Variants in CCNI observed in about 807,000 individuals in gnomAD.
CCNI encodes the protein cyclin-I.
CCNI carries 14 observed loss-of-function variants against 34.1 expected under a neutral mutation model. That is an observed-to-expected ratio of 0.41 (90% CI 0.27 to 0.64). The LOEUF is 0.64. Ranked by LOEUF, CCNI falls within the 30% of genes least tolerant of loss-of-function variation. CCNI has a pLI of 0.31. For missense variants in CCNI, 385 were observed against 440.5 expected (o/e 0.87, Z 1.13); for synonymous variants, 154 against 158.4 (o/e 0.97, Z 0.21).
At position 77,075,484 on chromosome 4, in the gene CCNI, TTCCTCCTCCTCC is replaced by T. The variant is rs753438219; in HGVS notation, c.-68_-57del. 66 of 733,914 alleles carry T rather than the reference TTCCTCCTCCTCC, an allele frequency of 9.0e-5. No homozygotes were observed. The highest frequency in any genetic ancestry group is 1.0e-4 in the Non-Finnish European group (63 of 600,846). The allele number at this position is 733,914 out of a possible 1,614,324, so 45.5% of individuals were successfully genotyped here. A position where few individuals can be genotyped will look rare whatever the true frequency, so the allele number is the denominator to read the frequency against. Reference sequence around the variant, plus strand: ...CCCCGCCCCTCACCTTCTCCTCCTCTTCCTCCTCCTCCTCCTCCCCGGCAGAGCTGTAGGCCT... The same window carrying T: ...CCCCGCCCCTCACCTTCTCCTCCTCTTCCTCCCCGGCAGAGCTGTAGGCCT... On this transcript the variant is annotated 5_prime_UTR_variant, in exon 1 of 7. Coordinates refer to ENST00000237654, the MANE Select transcript of CCNI (RefSeq NM_006835.3).
chr4:77,066,299 T>C lies in CCNI; in HGVS notation c.64A>G (p.Arg22Gly). ...TTCACTTTCCACATCTGTGCTTCCC[T>C]AGTGATTGCCTTTTCCAACAGGAAA... ...LSFLLEKAIT[R>G]EAQMWKVNVR... is the part of the protein sequence containing the mutation. Residue 22 changes from arginine (R) to glycine (G), a missense_variant, in exon 2 of 7, where the codon AGG (arginine) becomes GGG (glycine). Physicochemically the swap from Arg to Gly is moderately radical, Grantham distance 125. This residue lies in a region of CCNI where 135 missense variants were observed against 191.8 expected (regional missense o/e 0.70). Transcript: ENST00000237654. The C allele has an allele frequency of 1.2e-6, 2 of 1,614,058 alleles. No individual in the cohort carries two copies. The highest frequency in any genetic ancestry group is 2.2e-5 in the East Asian group (1 of 44,868).
At chr4:77,051,008 AG>A (rs1428952586) in intron 6 of CCNI, among the ~76,000 whole-genome samples, 1 of 152,208 alleles carries the variant, frequency 6.6e-6, no homozygotes, top group African/African-American at 2.4e-5. Flanking sequence ...AAAATAATGT[AG>A]TATTTGCATA....
At chr4:77,066,507 G>C in intron 1 of CCNI, 102 bp from the exon 2 acceptor site, 1 of 791,656 alleles carries the variant, frequency 1.3e-6, no homozygotes, top group Non-Finnish European at 2.0e-6. Context: ...ATGCTATGAG[G>C]CAGTATAGGA....
intron 2 of CCNI, among the ~76,000 whole-genome samples, chr4:77,064,332 T>C (rs1728856968): frequency 6.6e-6 from 1 of 152,092 alleles, no homozygotes; most frequent in Non-Finnish European, 1.5e-5. Context: ...AAGACCAGGC[T>C]GTAAAAATAT....
At chr4:77,056,356 G>C in intron 3 of CCNI, 33 bp from the exon 4 acceptor site, 1 of 1,507,646 alleles carries the variant, frequency 6.6e-7, no homozygotes. Flanking sequence ...AGCAACTTTA[G>C]TGATTTTTCA....
chr4:77,062,624 A>G (rs1480490086), intron 2 of CCNI, among the ~76,000 whole-genome samples: 1 of 152,044 alleles, frequency 6.6e-6, no homozygotes, highest in Non-Finnish European at 1.5e-5. Flanking sequence ...GCAAATCTAA[A>G]CTCCAGTTGA....
chr4:77,048,974 T>G (rs868308607), intron 6 of CCNI, among the ~76,000 whole-genome samples: 10 of 144,790 alleles, frequency 6.9e-5, no homozygotes, highest in East Asian at 2.0e-4. Context: ...TTTTTTTTTT[T>G]TTTTTTTTTT....
chr4:77,056,409 T>C lies in CCNI; in HGVS notation c.244-86A>G, dbSNP rs4252895. 127 of 907,712 alleles carry C rather than the reference T, an allele frequency of 1.4e-4. 1 individual carries two copies. In the East Asian group the frequency reaches 3.1e-3, roughly 22 times the overall value. The allele number at this position is 907,712 out of a possible 1,614,324, so 56.2% of individuals were successfully genotyped here. A position where few individuals can be genotyped will look rare whatever the true frequency, so the allele number is the denominator to read the frequency against. The stretch of plus-strand genomic sequence containing the variant: ...TGTAACTGTTTTAAAAACCTAGATA[T>C]GCAGATGAGACAGGTATACACAAAA... On this transcript the variant is annotated intron_variant, in intron 3 of 6. Transcript: ENST00000237654.
At chr4:77,061,639 A>T (rs1476745773) in intron 2 of CCNI, among the ~76,000 whole-genome samples, 1 of 152,070 alleles carries the variant, frequency 6.6e-6, no homozygotes, top group East Asian at 1.9e-4. Context: ...ATGGCATACA[A>T]ATCTATGACC....
intron 6 of CCNI, among the ~76,000 whole-genome samples, chr4:77,050,103 C>A (rs1368394722): frequency 1.3e-5 from 2 of 152,184 alleles, no homozygotes; most frequent in Non-Finnish European, 1.5e-5. Context: ...TCTTGCTCAA[C>A]AGTCCTGCTC....
intron 2 of CCNI, among the ~76,000 whole-genome samples, chr4:77,063,615 G>A (rs10005701): frequency 2.6e-5 from 4 of 151,564 alleles, no homozygotes; most frequent in Admixed American, 1.3e-4. Flanking sequence ...GCGTGAACCC[G>A]GGAGGCGGAG....
At chr4:77,052,103 C>T (rs906106417) in intron 6 of CCNI, among the ~76,000 whole-genome samples, 3 of 151,960 alleles carry the variant, frequency 2.0e-5, no homozygotes, top group African/African-American at 7.3e-5. Flanking sequence ...AGTTTTTCAA[C>T]CCTTGCTCCC....
At chr4:77,066,505 A>T in intron 1 of CCNI, 100 bp from the exon 2 acceptor site, 1 of 796,110 alleles carries the variant, frequency 1.3e-6, no homozygotes, top group South Asian at 1.7e-5. Flanking sequence ...GAATGCTATG[A>T]GGCAGTATAG....
chr4:77,068,588 G>A (rs1232806352), intron 1 of CCNI, among the ~76,000 whole-genome samples: 2 of 152,154 alleles, frequency 1.3e-5, no homozygotes, highest in African/African-American at 4.8e-5. Context: ...GCCTAGCGTA[G>A]GAGAATGCTG....
At chr4:77,060,081 A>G (rs1728500469) in intron 2 of CCNI, among the ~76,000 whole-genome samples, 1 of 142,938 alleles carries the variant, frequency 7.0e-6, no homozygotes, top group African/African-American at 2.7e-5. Flanking sequence ...AGTTAGAGAT[A>G]CAATGTGGGG....
At chr4:77,050,587 T>C (rs534610086) in intron 6 of CCNI, among the ~76,000 whole-genome samples, 2 of 152,264 alleles carry the variant, frequency 1.3e-5, no homozygotes, top group African/African-American at 2.4e-5. Flanking sequence ...CTGATTTTTT[T>C]CCCCTAGTTT....
chr4:77,054,759 T>C (rs936618502), intron 6 of CCNI, among the ~76,000 whole-genome samples: 3 of 152,208 alleles, frequency 2.0e-5, no homozygotes, highest in Non-Finnish European at 4.4e-5. Context: ...TATTTGCTTG[T>C]CTAAAAAGCA....
At chr4:77,049,716 C>T (rs1258710570) in intron 6 of CCNI, among the ~76,000 whole-genome samples, 1 of 150,886 alleles carries the variant, frequency 6.6e-6, no homozygotes, top group Non-Finnish European at 1.5e-5. Context: ...AACCTTTCAA[C>T]GTATTTACCA....
At chr4:77,070,119 G>A (rs942085286) in intron 1 of CCNI, among the ~76,000 whole-genome samples, 4 of 150,440 alleles carry the variant, frequency 2.7e-5, no homozygotes, top group Non-Finnish European at 5.9e-5. Context: ...CTGGGTTCAA[G>A]TGATTCTCCT....
Sources: gnomAD v4.1 joint callset for allele counts (sites outside exome capture counted in the v4.1 genomes callset) on GRCh38, gnomAD v4.1.1 for gene constraint, gnomAD v4.1.1 regional missense constraint, MANE v1.5 for transcripts, NCBI Gene and HGNC (gene_info 2026-07-23, HGNC 2026-07-21) for gene names.